Variants in MGMT observed in about 807,000 individuals in gnomAD.
MGMT encodes the protein O-6-methylguanine-DNA methyltransferase, also known as methylated-DNA--protein-cysteine methyltransferase.
Under a neutral mutation model 15.9 loss-of-function variants are expected in MGMT, and 14 were observed. The ratio of observed to expected loss-of-function variants is 0.88; its 90% CI spans 0.58 to 1.37. The LOEUF is 1.37. Among genes scored for constraint, MGMT ranks in the 40% most tolerant of loss-of-function variants. MGMT has a pLI of 0.00. For synonymous variants in MGMT, 130 were observed against 118.2 expected, an observed-to-expected ratio of 1.10 and a Z score of -0.65; for missense variants, 282 against 268.1, an observed-to-expected ratio of 1.05 and a Z score of -0.36.
chr10:129,673,121 G>T (rs184890835), intron 2 of MGMT, among the ~76,000 whole-genome samples: 1 of 152,114 alleles, frequency 6.6e-6, no homozygotes, highest in Non-Finnish European at 1.5e-5. Flanking sequence ...GCAAGACACT[G>T]TCTGTTGCCC....
At chr10:129,503,541 G>C (rs1159797429) in intron 1 of MGMT, among the ~76,000 whole-genome samples, 1 of 152,222 alleles carries the variant, frequency 6.6e-6, no homozygotes, top group Non-Finnish European at 1.5e-5. Flanking sequence ...GCTGGAAGGT[G>C]AGTTATTGCT....
At chr10:129,503,788 ATGT>A (rs1845598443) in intron 1 of MGMT, among the ~76,000 whole-genome samples, 1 of 152,210 alleles carries the variant, frequency 6.6e-6, no homozygotes, top group African/African-American at 2.4e-5. Context: ...AGGGGCTGAA[ATGT>A]TGTATTCTCT....
At position 129,759,473 on chromosome 10, in the gene MGMT, T is replaced by C. The variant is rs56210944; in HGVS notation, c.414+132T>C. 464 of 1,369,502 alleles carry C rather than the reference T, an allele frequency of 3.4e-4. 3 individuals are homozygous for C. In the African/African-American group the frequency reaches 4.9e-3, roughly 14 times the overall value. The allele number at this position is 1,369,502 out of a possible 1,614,324, so 84.8% of individuals were successfully genotyped here. A position where few individuals can be genotyped will look rare whatever the true frequency, so the allele number is the denominator to read the frequency against. On this transcript the variant is annotated intron_variant, in intron 4 of 4. Transcript: ENST00000651593. Reference sequence around the variant, plus strand: ...GTGGGCAGAGGGGCGATATCTGTGATGGGGACCATTATGCCAGATGCCTCC... The same window carrying C: ...GTGGGCAGAGGGGCGATATCTGTGACGGGGACCATTATGCCAGATGCCTCC...
chr10:129,481,069 T>C (rs1455472753), intron 1 of MGMT, among the ~76,000 whole-genome samples: 1 of 152,238 alleles, frequency 6.6e-6, no homozygotes, highest in African/African-American at 2.4e-5. Context: ...ACCTGCCTGT[T>C]GCCCTGACCG....
intron 2 of MGMT, among the ~76,000 whole-genome samples, chr10:129,663,593 C>T (rs920836761): frequency 4.6e-5 from 7 of 151,460 alleles, no homozygotes; most frequent in African/African-American, 1.7e-4. Context: ...TTATTTTATT[C>T]AAGGAAAAAA....
intron 1 of MGMT, among the ~76,000 whole-genome samples, chr10:129,518,337 T>TACACACACACACAC (rs61316662): frequency 0.014 from 1,732 of 119,532 alleles, 35 homozygotes; most frequent in East Asian, 0.083. Context: ...TACACACACA[T>TACACACACACACAC]ACACACACAC....
intron 3 of MGMT, among the ~76,000 whole-genome samples, chr10:129,745,994 T>C (rs1028613330): frequency 6.6e-6 from 1 of 152,114 alleles, no homozygotes; most frequent in South Asian, 2.1e-4. Flanking sequence ...CCCAGCACTT[T>C]GGGAGGCCAA....
chr10:129,673,183 C>G (rs1847744547), intron 2 of MGMT, among the ~76,000 whole-genome samples: 1 of 152,170 alleles, frequency 6.6e-6, no homozygotes, highest in South Asian at 2.1e-4. Context: ...AGGGGCAGCT[C>G]CTGTGCTGCT....
intron 2 of MGMT, among the ~76,000 whole-genome samples, chr10:129,649,479 G>T (rs971316827): frequency 4.6e-5 from 7 of 152,320 alleles, no homozygotes; most frequent in Admixed American, 4.6e-4. Context: ...AATGGATTTT[G>T]TCAGTGGTAT....
chr10:129,685,269 G>GCTTAGTT (rs1232677856), intron 2 of MGMT, among the ~76,000 whole-genome samples: 7 of 152,230 alleles, frequency 4.6e-5, no homozygotes, highest in Non-Finnish European at 2.9e-5. Context: ...GAACAAGACT[G>GCTTAGTT]CTTAGTTTTG....
At chr10:129,503,122 A>G (rs1170919202) in intron 1 of MGMT, among the ~76,000 whole-genome samples, 1 of 114,704 alleles carries the variant, frequency 8.7e-6, no homozygotes, top group Non-Finnish European at 2.0e-5. Flanking sequence ...TTTTTTTATT[A>G]TTATCCTCCA....
chr10:129,736,505 C>T (rs1331212481), intron 3 of MGMT, among the ~76,000 whole-genome samples: 1 of 147,254 alleles, frequency 6.8e-6, no homozygotes, highest in South Asian at 2.2e-4. Flanking sequence ...TGGGTCTTGA[C>T]TCTTTATCCA....
At chr10:129,520,546 C>T (rs1442544848) in intron 1 of MGMT, among the ~76,000 whole-genome samples, 5 of 151,710 alleles carry the variant, frequency 3.3e-5, no homozygotes, top group African/African-American at 1.2e-4. Flanking sequence ...GTACAGAGCC[C>T]CTACCGTGCA....
intron 2 of MGMT, among the ~76,000 whole-genome samples, chr10:129,581,131 C>T (rs1846550394): frequency 6.6e-6 from 1 of 152,210 alleles, no homozygotes; most frequent in South Asian, 2.1e-4. Flanking sequence ...GTTAACGGTG[C>T]AGCTGCAGTG....
intron 1 of MGMT, among the ~76,000 whole-genome samples, chr10:129,513,315 A>G (rs1370448762): frequency 6.6e-6 from 1 of 152,214 alleles, no homozygotes; most frequent in Non-Finnish European, 1.5e-5. Flanking sequence ...GATAGAGGTG[A>G]TGGATACACA....
chr10:129,469,290 G>A (rs1314221885), intron 1 of MGMT, among the ~76,000 whole-genome samples: 2 of 152,038 alleles, frequency 1.3e-5, no homozygotes, highest in African/African-American at 4.8e-5. Context: ...TTACTAAATT[G>A]TCTGTTCTGT....
chr10:129,535,049 GA>G lies in MGMT; in HGVS notation c.-12-1191del, dbSNP rs1316341442. ...ATTTACAAAGACAGGTGCAGTGAGT[GA>G]GCTTTGCCCCACAGGCTCTAATTTG... On this transcript the variant is annotated intron_variant, in intron 1 of 4. Transcript: ENST00000651593. Among the ~76,000 whole-genome samples the G allele has an allele frequency of 5.3e-5, 8 of 152,202 alleles. 1 individual carries two copies. The highest frequency in any genetic ancestry group is 1.9e-4 in the African/African-American group (8 of 41,452).
intron 1 of MGMT, among the ~76,000 whole-genome samples, chr10:129,512,863 T>C (rs1311571527): frequency 6.6e-6 from 1 of 152,086 alleles, no homozygotes; most frequent in African/African-American, 2.4e-5. Flanking sequence ...ACATGAAGCA[T>C]AGAATTCCCA....
intron 1 of MGMT, among the ~76,000 whole-genome samples, chr10:129,492,482 A>G (rs1483202404): frequency 6.6e-6 from 1 of 152,120 alleles, no homozygotes; most frequent in South Asian, 2.1e-4. Flanking sequence ...TTTTCCTTTT[A>G]GGAGCCCTCA....
Sources: gnomAD v4.1 joint callset for allele counts (sites outside exome capture counted in the v4.1 genomes callset) on GRCh38, gnomAD v4.1.1 for gene constraint, MANE v1.5 for transcripts, NCBI Gene and HGNC (gene_info 2026-07-23, HGNC 2026-07-21) for gene names.